Variants in ABHD2 observed in about 807,000 individuals in gnomAD.
ABHD2 encodes monoacylglycerol lipase ABHD2.
Under a neutral mutation model 48.1 loss-of-function variants are expected in ABHD2, and 20 were observed. The ratio of observed to expected loss-of-function variants is 0.42; its 90% CI spans 0.29 to 0.60. The LOEUF (loss-of-function observed/expected upper bound fraction) is 0.60. ABHD2 is among the 20% of genes least tolerant of loss of function. The pLI is 0.24. For missense variants in ABHD2, 405 were observed against 550.9 expected (o/e 0.74, Z 2.65); for synonymous variants, 209 against 214.2 (o/e 0.98, Z 0.21).
At chr15:89,121,514 A>G (rs1449718846) in intron 3 of ABHD2, among the ~76,000 whole-genome samples, 1 of 151,992 alleles carries the variant, frequency 6.6e-6, no homozygotes, top group Non-Finnish European at 1.5e-5. Flanking sequence ...AAAATATACA[A>G]ATCTTAAGTA....
rs532052926 is a variant in ABHD2, at chr15:89,106,112, G to A, written c.-106-7613G>A. ...GTGGATCACCTGAGGTCAGGAGTTC[G>A]AGACCAGCCTGGCTAACATGGTGAA... On this transcript the variant is annotated intron_variant, in intron 1 of 10. Coordinates refer to ENST00000352732, the MANE Select transcript of ABHD2 (RefSeq NM_152924.5). This position sits in a 1 kb window ranked among gnomAD's most constrained non-coding sequence, Gnocchi z 4.2. Among the ~76,000 whole-genome samples the A allele has an allele frequency of 5.3e-5, 8 of 152,206 alleles. No individual in the cohort carries two copies. The East Asian group carries it at 5.8e-4, about 11-fold the overall frequency.
In ABHD2 at chr15:89,114,741, C is replaced by G. The variant is rs1055396465; in HGVS notation, c.-7+917C>G. ...TCAAGTGATCCACCCACTTTGGCCT[C>G]CCAAAGTGCATGATTACAGGCATGA... On this transcript the variant is annotated intron_variant, in intron 2 of 10. Transcript: ENST00000352732. The surrounding 1 kb of genome is among the most constrained non-coding windows in gnomAD (Gnocchi z 4.2). Among the ~76,000 whole-genome samples the G allele has an allele frequency of 6.6e-6, 1 of 152,194 alleles. No homozygotes were observed. Among genetic ancestry groups the G allele is most frequent in the African/African-American group, 2.4e-5 (1 of 41,454 alleles).
the ABHD2 span, among the ~76,000 whole-genome samples, chr15:89,072,466 A>T: frequency 4.7e-5 from 7 of 149,602 alleles, no homozygotes; most frequent in African/African-American, 1.7e-4. Flanking sequence ...ACAGAGCAAG[A>T]CTCGGTCTCA....
intron 1 of ABHD2, among the ~76,000 whole-genome samples, chr15:89,110,319 G>C (rs1054487084): frequency 1.3e-5 from 2 of 152,062 alleles, no homozygotes; most frequent in Non-Finnish European, 2.9e-5. Context: ...GCCTCGGCCT[G>C]CAAAGTGCTA....
intron 3 of ABHD2, among the ~76,000 whole-genome samples, chr15:89,118,292 T>C (rs548313537): frequency 6.6e-6 from 1 of 151,982 alleles, no homozygotes; most frequent in South Asian, 2.1e-4. Flanking sequence ...CAAGCGATTC[T>C]CCTACCTTAG....
chr15:89,193,592 A>T, intron 10 of ABHD2: 1 of 474,654 alleles, frequency 2.1e-6, no homozygotes, highest in Non-Finnish European at 3.8e-6. Flanking sequence ...TTGAGGTTCT[A>T]TGAGATTATC....
intron 1 of ABHD2, among the ~76,000 whole-genome samples, chr15:89,105,189 G>T (rs1333890154): frequency 6.6e-6 from 1 of 152,208 alleles, no homozygotes; most frequent in Admixed American, 6.5e-5. Flanking sequence ...AGGGTTATTT[G>T]CTAGTGGAAG....
At chr15:89,059,904 C>T in the ABHD2 span, among the ~76,000 whole-genome samples, 6 of 152,138 alleles carry the variant, frequency 3.9e-5, no homozygotes, top group South Asian at 4.2e-4. Flanking sequence ...CTGTGGAACG[C>T]AGGTCCTCCA....
At chr15:89,170,080 C>CTGTTTTT (rs2050898498) in intron 5 of ABHD2, among the ~76,000 whole-genome samples, 1 of 37,484 alleles carries the variant, frequency 2.7e-5, no homozygotes. Flanking sequence ...AGATCAGATT[C>CTGTTTTT]TTTTTTTTTT....
chr15:89,125,424 G>A lies in ABHD2; in HGVS notation c.194+8903G>A, dbSNP rs569105542. On this transcript the variant is annotated intron_variant, in intron 3 of 10. Transcript: ENST00000352732. Reference sequence around the variant, plus strand: ...GTTAGAAAATTCCTGAAAAATGGAAGACTCAAAATCATCTTGATTGAGGCT... The same window carrying A: ...GTTAGAAAATTCCTGAAAAATGGAAAACTCAAAATCATCTTGATTGAGGCT... Among the ~76,000 whole-genome samples, 142 of 152,294 alleles carry A rather than the reference G, an allele frequency of 9.3e-4. 1 individual carries two copies. The highest frequency in any genetic ancestry group is 6.8e-3 in the Middle Eastern group (2 of 294).
chr15:89,129,126 G>A (rs143015361), intron 3 of ABHD2, among the ~76,000 whole-genome samples: 37 of 152,256 alleles, frequency 2.4e-4, no homozygotes, highest in Admixed American at 1.6e-3. Context: ...AGGGTTATGT[G>A]CAATTATGGC....
chr15:89,116,405 G>A lies in ABHD2; in HGVS notation c.78G>A (p.Leu26=). Reference sequence around the variant, plus strand: ...AGCTGGCTGCAGTGGCTGCTGTGCTGTACGTGATCGTCCGGTGTTTGAACC... The same window carrying A: ...AGCTGGCTGCAGTGGCTGCTGTGCTATACGTGATCGTCCGGTGTTTGAACC... The part of the protein sequence containing the change: ...GVKLAAVAAV[L]YVIVRCLNLK... The change falls in exon 3 of 11, where the codon CTG becomes CTA. Residue 26 remains leucine (L), a synonymous_variant. Transcript: ENST00000352732. This position sits in a 1 kb window ranked among gnomAD's most constrained non-coding sequence, Gnocchi z 4.6. The A allele has an allele frequency of 6.2e-7, 1 of 1,614,218 alleles. No individual in the cohort carries two copies. Among genetic ancestry groups the A allele is most frequent in the Non-Finnish European group, 8.5e-7 (1 of 1,180,032 alleles).
chr15:89,123,855 G>A (rs1411791212), intron 3 of ABHD2, among the ~76,000 whole-genome samples: 1 of 152,084 alleles, frequency 6.6e-6, no homozygotes, highest in Non-Finnish European at 1.5e-5. Flanking sequence ...CGATCCTCCA[G>A]CCTCAGCCTC....
chr15:89,180,946 G>A (rs2051100625), intron 6 of ABHD2, among the ~76,000 whole-genome samples: 1 of 152,004 alleles, frequency 6.6e-6, no homozygotes, highest in Non-Finnish European at 1.5e-5. Flanking sequence ...AGTAGGGAAG[G>A]GCCGGGTGCG....
chr15:89,130,797 G>A (rs2150843688), intron 3 of ABHD2, among the ~76,000 whole-genome samples: 1 of 152,288 alleles, frequency 6.6e-6, no homozygotes, highest in East Asian at 1.9e-4. Context: ...ATTAGTGTTA[G>A]TGTATTTTAT....
intron 3 of ABHD2, among the ~76,000 whole-genome samples, chr15:89,142,651 C>T (rs1021126445): frequency 1.3e-5 from 2 of 152,176 alleles, no homozygotes; most frequent in African/African-American, 2.4e-5. Flanking sequence ...CAGAGGACCC[C>T]CACGGAGCTC....
chr15:89,139,110 C>G (rs2050363594), intron 3 of ABHD2, among the ~76,000 whole-genome samples: 1 of 152,106 alleles, frequency 6.6e-6, no homozygotes, highest in Admixed American at 6.5e-5. Context: ...ACTCAGGCGG[C>G]TGAGATGGGA....
chr15:89,181,012 G>A (rs1269175100), intron 6 of ABHD2, among the ~76,000 whole-genome samples: 2 of 152,186 alleles, frequency 1.3e-5, no homozygotes, highest in South Asian at 2.1e-4. Flanking sequence ...CGGATCACAA[G>A]GTCAGGAGTT....
In ABHD2 at chr15:89,155,475, T is replaced by A; in HGVS notation, c.479T>A (p.Leu160Gln). 6.2e-7 allele frequency: 1 copy of A among 1,614,202 alleles called. No homozygotes were observed. Among genetic ancestry groups the A allele is most frequent in the Non-Finnish European group, 8.5e-7 (1 of 1,180,018 alleles). ...AQKNGYRCAV[L>Q]NHLGALPNIE... Reference sequence around the variant, plus strand: ...AAAAATGGCTATCGGTGCGCCGTGCTGAACCACCTGGGTGCCCTGCCCAAC... The same window carrying A: ...AAAAATGGCTATCGGTGCGCCGTGCAGAACCACCTGGGTGCCCTGCCCAAC... The change falls in exon 5 of 11, where the codon CTG becomes CAG. Residue 160 changes from leucine to glutamine, a missense_variant. By Grantham distance (113) the Leu-to-Gln change is moderately radical. Transcript: ENST00000352732. The surrounding 1 kb of genome is among the most constrained non-coding windows in gnomAD (Gnocchi z 4.9).
Sources: gnomAD v4.1 joint callset for allele counts (sites outside exome capture counted in the v4.1 genomes callset) on GRCh38, gnomAD v4.1.1 for gene constraint, Gnocchi (gnomAD v3.1) non-coding constraint, MANE v1.5 for transcripts, NCBI Gene and HGNC (gene_info 2026-07-23, HGNC 2026-07-21) for gene names.